Variants in TG observed in about 807,000 individuals in gnomAD.
The protein encoded by TG is thyroglobulin.
A neutral mutation model predicts 324.7 loss-of-function variants in TG; 270 were observed. The observed-to-expected ratio is 0.83, with a 90% confidence interval of 0.75 to 0.92. The LOEUF is 0.92. TG is among the 40% of genes least tolerant of loss of function. TG has a pLI of 0.00. For synonymous variants in TG, 1,401 were observed against 1,327.0 expected (o/e 1.06, Z -1.21); for missense variants, 3,591 against 3,456.4 (o/e 1.04, Z -0.98).
chr8:133,006,440 A>G (rs1227144334), intron 35 of TG, among the ~76,000 whole-genome samples: 1 of 152,218 alleles, frequency 6.6e-6, no homozygotes, highest in Non-Finnish European at 1.5e-5. Context: ...ATGCTCACCC[A>G]AGTTTGAGAA....
intron 41 of TG, chr8:133,048,513 G>A (rs1177034670): frequency 6.4e-6 from 1 of 155,136 alleles, no homozygotes; most frequent in Non-Finnish European, 1.4e-5. Context: ...GAGCTACCGT[G>A]CTCAGCCCTG....
chr8:132,900,331 G>C lies in TG; in HGVS notation c.3425G>C (p.Ser1142Thr), dbSNP rs1268941704. 6.2e-7 allele frequency: 1 copy of C among 1,612,058 alleles called. No homozygotes were observed. Among genetic ancestry groups the C allele is most frequent in the Non-Finnish European group, 8.5e-7 (1 of 1,179,394 alleles). The change falls in exon 15 of 48, where the codon AGT (serine) becomes ACT (threonine). Residue 1142 changes from serine to threonine, a missense_variant. By Grantham distance (58) the Ser-to-Thr change is moderately conservative (BLOSUM62 1). Transcript: ENST00000220616. Reference protein sequence around the residue: ...GEELRPGSSSSAQCPSLCNVL... With the variant: ...GEELRPGSSSTAQCPSLCNVL... ...GAGTTGCGGCCTGGCTCGAGCAGCAGTGCCCAGTGTGAGTAGCAGCCCCTC... is the reference window on the plus strand; with the variant it reads ...GAGTTGCGGCCTGGCTCGAGCAGCACTGCCCAGTGTGAGTAGCAGCCCCTC...
intron 31 of TG, 33 bp from the exon 32 acceptor site, chr8:132,969,425 T>C (rs1353385676): frequency 1.4e-6 from 2 of 1,445,036 alleles, no homozygotes; most frequent in East Asian, 2.3e-5. Context: ...AGCAAATCTC[T>C]AAGTAATGTA....
intron 34 of TG, among the ~76,000 whole-genome samples, chr8:132,973,885 G>T (rs1241699830): frequency 6.6e-6 from 1 of 151,970 alleles, no homozygotes; most frequent in African/African-American, 2.4e-5. Flanking sequence ...AATATATGGG[G>T]AATTCTGGCT....
chr8:133,104,761 G>T (rs886291328), intron 43 of TG, among the ~76,000 whole-genome samples: 1 of 152,146 alleles, frequency 6.6e-6, no homozygotes, highest in African/African-American at 2.4e-5. Context: ...ATTGGAATAG[G>T]CTGGGGGAAG....
At chr8:132,989,384 T>C (rs1158220514) in intron 35 of TG, among the ~76,000 whole-genome samples, 1 of 152,222 alleles carries the variant, frequency 6.6e-6, no homozygotes, top group East Asian at 1.9e-4. Context: ...ACATACCATT[T>C]GGAAAATGCT....
chr8:132,964,433 C>T (rs1236116243), intron 29 of TG, among the ~76,000 whole-genome samples: 7 of 152,088 alleles, frequency 4.6e-5, no homozygotes, highest in Non-Finnish European at 7.3e-5. Context: ...GAGTCCAGGC[C>T]GAGTGGCATC....
At chr8:133,083,623 A>G (rs1846064402) in intron 41 of TG, among the ~76,000 whole-genome samples, 1 of 152,200 alleles carries the variant, frequency 6.6e-6, no homozygotes, top group Non-Finnish European at 1.5e-5. Flanking sequence ...CCAATTATCA[A>G]GTTGTCAGTG....
At chr8:133,033,162 A>G (rs1246360795) in intron 41 of TG, among the ~76,000 whole-genome samples, 1 of 152,214 alleles carries the variant, frequency 6.6e-6, no homozygotes, top group Non-Finnish European at 1.5e-5. Context: ...TTCTTCACCT[A>G]TCACATCAAA....
Position 132,966,621 on chromosome 8 carries a change from A to G in TG, c.5610A>G (p.Gln1870=), listed in dbSNP as rs1214924094. 3.1e-6 allele frequency: 5 copies of G among 1,614,086 alleles called. No individual in the cohort carries two copies. Among genetic ancestry groups the G allele is most frequent in the Admixed American group, 1.7e-5 (1 of 59,994 alleles). Residue 1870 remains glutamine, a synonymous_variant, in exon 30 of 48, where the codon CAA becomes CAG. Coordinates refer to ENST00000220616, the MANE Select transcript of TG (RefSeq NM_003235.5). ...ACCAGGTCATTGTCAATGGAAATCA[A>G]TCACTATCCAGCCAGAAGCACTGGC... ...DLNQVIVNGN[Q]SLSSQKHWLF... is the part of the protein sequence containing the mutation.
rs571778550 is a variant in TG at position 133,107,997 on chromosome 8, T to C, written c.7573-5425T>C. Among the ~76,000 whole-genome samples, 39 of 149,548 alleles carry C rather than the reference T, an allele frequency of 2.6e-4. No homozygotes were observed. The South Asian group carries it at 7.3e-3, about 28-fold the overall frequency. ...TTCTTTTCTTCTTTTTTTTTTTTTT[T>C]TTTTGAGACAGAGTCTCACTGTCAC... On this transcript the variant is annotated intron_variant, in intron 43 of 47. Coordinates refer to ENST00000220616, the MANE Select transcript of TG (RefSeq NM_003235.5).
At chr8:133,100,178 A>G (rs1379227929) in intron 43 of TG, among the ~76,000 whole-genome samples, 1 of 152,132 alleles carries the variant, frequency 6.6e-6, no homozygotes, top group Non-Finnish European at 1.5e-5. Flanking sequence ...GGGTCCTGGT[A>G]CTTGCTGTTT....
At chr8:132,902,977 A>G (rs1280648185) in intron 16 of TG, among the ~76,000 whole-genome samples, 3 of 152,098 alleles carry the variant, frequency 2.0e-5, no homozygotes, top group Non-Finnish European at 4.4e-5. Context: ...CATTTTTCAG[A>G]TGACAAAACT....
At chr8:132,949,861 A>G (rs913664696) in intron 27 of TG, among the ~76,000 whole-genome samples, 4 of 152,146 alleles carry the variant, frequency 2.6e-5, no homozygotes, top group Non-Finnish European at 1.5e-5. Context: ...ACAGCCCTGC[A>G]CTGCCTCTCC....
chr8:133,013,695 C>G lies in TG; in HGVS notation c.6493C>G (p.His2165Asp). The G allele has an allele frequency of 1.9e-6, 3 of 1,614,164 alleles. No individual in the cohort carries two copies. Among genetic ancestry groups the G allele is most frequent in the Non-Finnish European group, 2.5e-6 (3 of 1,180,054 alleles). Residue 2165 changes from histidine (H) to aspartate (D), a missense_variant, in exon 37 of 48, where the codon CAT becomes GAT. His to Asp is a moderately conservative substitution (Grantham distance 81, BLOSUM62 -1). Transcript: ENST00000220616. ...MFYADTQSCT[H>D]SLQGQNCRLL... ...CTATGCTGATACTCAAAGCTGCACA[C>G]ATAGTCTGCAGGGTCAGAACTGCCG... is the stretch of plus-strand genomic sequence containing the variant.
chr8:132,962,486 C>T (rs757784087), intron 28 of TG, among the ~76,000 whole-genome samples: 5 of 152,124 alleles, frequency 3.3e-5, no homozygotes, highest in African/African-American at 4.8e-5. Flanking sequence ...GGACATTTGC[C>T]GCACTACAGA....
At chr8:132,919,290 G>A in intron 20 of TG, 86 bp from the exon 21 acceptor site, 1 of 1,427,924 alleles carries the variant, frequency 7.0e-7, no homozygotes, top group Non-Finnish European at 9.7e-7. Context: ...ACTGGTTTGA[G>A]GATTTTCTTT....
chr8:133,013,665 A>G lies in TG; in HGVS notation c.6463A>G (p.Met2155Val), dbSNP rs755017883. 4.3e-6 allele frequency: 7 copies of G among 1,614,188 alleles called. No individual in the cohort carries two copies. Among genetic ancestry groups the G allele is most frequent in the Non-Finnish European group, 5.9e-6 (7 of 1,180,036 alleles). The change falls in exon 37 of 48, where the codon ATG becomes GTG. Residue 2155 changes from methionine to valine, a missense_variant. By Grantham distance (21) the Met-to-Val change is conservative. Coordinates refer to ENST00000220616, the MANE Select transcript of TG (RefSeq NM_003235.5). ...AACCCAACCTGGGGCTGTGAGATGT[A>G]TGTTCTATGCTGATACTCAAAGCTG... ...LQTQPGAVRC[M>V]FYADTQSCTH...
At chr8:132,938,790 C>T (rs1051198287) in intron 25 of TG, among the ~76,000 whole-genome samples, 2 of 152,122 alleles carry the variant, frequency 1.3e-5, no homozygotes, top group African/African-American at 2.4e-5. Context: ...CAGTGGCTTA[C>T]GCCAGTAATC....
Sources: gnomAD v4.1 joint callset for allele counts (sites outside exome capture counted in the v4.1 genomes callset) on GRCh38, gnomAD v4.1.1 for gene constraint, MANE v1.5 for transcripts, NCBI Gene and HGNC (gene_info 2026-07-23, HGNC 2026-07-21) for gene names.